Variants in NBEA observed in about 807,000 individuals in gnomAD.
The protein encoded by NBEA is lysosomal-trafficking regulator 2.
Under a neutral mutation model 343.4 loss-of-function variants are expected in NBEA, and 44 were observed. That is an observed-to-expected ratio of 0.13 (90% CI 0.10 to 0.16). NBEA has a LOEUF of 0.16. NBEA is among the 10% of genes least tolerant of loss of function. The pLI, the probability that NBEA is intolerant of heterozygous loss-of-function variation, is 1.00. For missense variants in NBEA, 2,555 were observed against 3,631.3 expected, an observed-to-expected ratio of 0.70 and a Z score of 7.62; for synonymous variants, 1,175 against 1,238.7, an observed-to-expected ratio of 0.95 and a Z score of 1.08.
At chr13:35,610,347 T>C (rs1280738948) in intron 48 of NBEA, among the ~76,000 whole-genome samples, 5 of 151,996 alleles carry the variant, frequency 3.3e-5, no homozygotes, top group Non-Finnish European at 7.4e-5. Context: ...GAGCCGAGAT[T>C]GCGCTACTGC....
chr13:34,986,771 TC>T, intron 1 of NBEA, among the ~76,000 whole-genome samples: 1 of 150,938 alleles, frequency 6.6e-6, no homozygotes, highest in East Asian at 1.9e-4. Flanking sequence ...GTTGAATTGA[TC>T]CCTTTATCAT....
At chr13:35,204,970 G>GA (rs2073286123) in intron 31 of NBEA, among the ~76,000 whole-genome samples, 1 of 152,042 alleles carries the variant, frequency 6.6e-6, no homozygotes, top group Non-Finnish European at 1.5e-5. Flanking sequence ...TATAAGAGTT[G>GA]AAAATTTTTA....
intron 36 of NBEA, among the ~76,000 whole-genome samples, chr13:35,312,597 G>A (rs2037443323): frequency 2.0e-5 from 3 of 152,182 alleles, no homozygotes; most frequent in African/African-American, 7.2e-5. Context: ...GGTTTCACGG[G>A]CTCAAGACTT....
chr13:35,502,905 TATTA>T (rs750581120), intron 41 of NBEA, among the ~76,000 whole-genome samples: 2 of 152,198 alleles, frequency 1.3e-5, no homozygotes, highest in African/African-American at 4.8e-5. Flanking sequence ...GGATTTTTTT[TATTA>T]ATTAAGTTTT....
At chr13:35,670,066 A>G (rs970624376) in intron 58 of NBEA, among the ~76,000 whole-genome samples, 1 of 152,202 alleles carries the variant, frequency 6.6e-6, no homozygotes, top group Admixed American at 6.5e-5. Flanking sequence ...TTTATAATGA[A>G]TAGTGCATGC....
chr13:35,054,735 C>G (rs2063189701), intron 6 of NBEA, among the ~76,000 whole-genome samples: 1 of 150,886 alleles, frequency 6.6e-6, no homozygotes, highest in Non-Finnish European at 1.5e-5. Context: ...CCTCTGCCTC[C>G]CAGGTTCAAG....
chr13:35,157,497 A>C (rs558855439), intron 21 of NBEA, among the ~76,000 whole-genome samples: 141 of 152,282 alleles, frequency 9.3e-4, no homozygotes, highest in African/African-American at 3.3e-3. Flanking sequence ...TTATACCCAA[A>C]GCTGACATAC....
chr13:35,005,291 G>A (rs1274741471), intron 1 of NBEA, among the ~76,000 whole-genome samples: 1 of 151,480 alleles, frequency 6.6e-6, no homozygotes, highest in Non-Finnish European at 1.5e-5. Context: ...TTTTCTGGCA[G>A]CTCCTTTAAA....
intron 1 of NBEA, among the ~76,000 whole-genome samples, chr13:34,961,089 G>A (rs1016373611): frequency 5.3e-5 from 8 of 152,008 alleles, no homozygotes; most frequent in Non-Finnish European, 1.2e-4. Flanking sequence ...AAGAATGGTT[G>A]TAGTTTTGGA....
chr13:35,228,433 T>C (rs1175495417), intron 33 of NBEA, among the ~76,000 whole-genome samples: 1 of 151,942 alleles, frequency 6.6e-6, no homozygotes. Flanking sequence ...GTTTTGTGGA[T>C]ATATTGCGTA....
intron 29 of NBEA, among the ~76,000 whole-genome samples, chr13:35,183,626 G>A (rs773941984): frequency 6.6e-5 from 10 of 151,878 alleles, no homozygotes; most frequent in East Asian, 1.9e-4. Flanking sequence ...TACCATTCCA[G>A]TTCATGTTTT....
chr13:34,988,506 AC>A (rs888742788), intron 1 of NBEA, among the ~76,000 whole-genome samples: 18 of 149,956 alleles, frequency 1.2e-4, no homozygotes, highest in African/African-American at 3.7e-4. Flanking sequence ...GCAATGGCAG[AC>A]CCCCCTGCCC....
Position 35,670,706 on chromosome 13 carries a change from A to G in NBEA, c.8814-195A>G, listed in dbSNP as rs564258586. On this transcript the variant is annotated intron_variant, in intron 58 of 58. Transcript: ENST00000379939. Reference sequence around the variant, plus strand: ...CTGGCTGTCCAGGTGTGTGCGGGCTAACTGTGCTCCTCTCAGCAGAACCAA... The same window carrying G: ...CTGGCTGTCCAGGTGTGTGCGGGCTGACTGTGCTCCTCTCAGCAGAACCAA... Among the ~76,000 whole-genome samples the G allele has an allele frequency of 2.0e-5, 3 of 152,354 alleles. No individual in the cohort carries two copies. In the East Asian group the frequency reaches 5.8e-4, roughly 29 times the overall value.
In NBEA at chr13:35,050,332, A is replaced by G; in HGVS notation, c.909A>G (p.Thr303=). 1.9e-6 allele frequency: 3 copies of G among 1,609,274 alleles called. No individual in the cohort carries two copies. Among genetic ancestry groups the G allele is most frequent in the South Asian group, 1.1e-5 (1 of 90,902 alleles). Residue 303 remains threonine, a synonymous_variant, in exon 6 of 59, where the codon ACA becomes ACG. Transcript: ENST00000379939. ...AHFVGNCLIV[T]SLKSKGKGFQ... The stretch of plus-strand genomic sequence containing the variant: ...TTGTTGGCAACTGTTTAATAGTCAC[A>G]TCATTGAAGTCCAAAGGAAAAGGTT...
chr13:35,329,997 A>G (rs888990230), intron 36 of NBEA, among the ~76,000 whole-genome samples: 1 of 151,912 alleles, frequency 6.6e-6, no homozygotes, highest in Non-Finnish European at 1.5e-5. Flanking sequence ...TACCACAAAG[A>G]AGGTTCTCAG....
chr13:34,995,507 C>A (rs2060909168), intron 1 of NBEA, among the ~76,000 whole-genome samples: 1 of 151,946 alleles, frequency 6.6e-6, no homozygotes, highest in Non-Finnish European at 1.5e-5. Flanking sequence ...AACCAAAAAA[C>A]CCAATAACAA....
intron 27 of NBEA, 141 bp downstream of exon 27, chr13:35,173,735 A>G (rs2070656169): frequency 1.6e-6 from 1 of 626,720 alleles, no homozygotes; most frequent in Non-Finnish European, 2.4e-6. Flanking sequence ...CTGCTTAACA[A>G]TTTTGTTACC....
chr13:35,627,052 T>C (rs549988432), intron 48 of NBEA, among the ~76,000 whole-genome samples: 1 of 152,288 alleles, frequency 6.6e-6, no homozygotes, highest in South Asian at 2.1e-4. Context: ...TTTTATATAC[T>C]TAAAAAATGA....
Position 35,055,994 on chromosome 13 carries a change from A to G in NBEA, c.973-16A>G. The G allele has an allele frequency of 6.4e-7, 1 of 1,564,550 alleles. No homozygotes were observed. Among genetic ancestry groups the G allele is most frequent in the Non-Finnish European group, 8.7e-7 (1 of 1,154,686 alleles). On this transcript the variant is annotated splice_polypyrimidine_tract_variant and intron_variant, in intron 6 of 58. Transcript: ENST00000379939. The stretch of plus-strand genomic sequence containing the variant: ...CCAAACATTACATATTGATATATTT[A>G]ATTTTTTTATTTAAGTGGTACATGA...
Sources: allele counts gnomAD v4.1 joint callset (sites outside exome capture counted in the v4.1 genomes callset), GRCh38; gene constraint gnomAD v4.1.1; transcripts MANE v1.5; gene names NCBI Gene and HGNC (gene_info 2026-07-23, HGNC 2026-07-21).